MAD1L1: variants seen among roughly 807,000 people sequenced by gnomAD.
MAD1L1 encodes mitotic spindle assembly checkpoint protein MAD1.
A neutral mutation model predicts 96.9 loss-of-function variants in MAD1L1; 95 were observed. The observed-to-expected ratio is 0.98, with a 90% CI of 0.83 to 1.16. The LOEUF (loss-of-function observed/expected upper bound fraction) is 1.16, where lower values mean the gene tolerates loss of function less well. MAD1L1 is among the 50% of genes most tolerant of loss of function. The pLI is 0.00. For synonymous variants in MAD1L1, 473 were observed against 396.6 expected (o/e 1.19, Z -2.29); for missense variants, 1,007 against 954.4 (o/e 1.06, Z -0.73).
intron 18 of MAD1L1, among the ~76,000 whole-genome samples, chr7:1,881,759 G>A (rs915117913): frequency 2.0e-5 from 3 of 152,258 alleles, no homozygotes; most frequent in Admixed American, 1.3e-4. Context: ...GATGTGGGGA[G>A]GCAGAGGTGG....
At chr7:1,985,471 G>A (rs1781097876) in intron 14 of MAD1L1, among the ~76,000 whole-genome samples, 1 of 152,220 alleles carries the variant, frequency 6.6e-6, no homozygotes, top group South Asian at 2.1e-4. Context: ...ACTCTCTCGG[G>A]ATAGACCAGT....
chr7:2,163,363 C>T (rs528487902), intron 10 of MAD1L1, among the ~76,000 whole-genome samples: 4 of 152,248 alleles, frequency 2.6e-5, no homozygotes, highest in African/African-American at 9.6e-5. Context: ...ACACAGGCGA[C>T]AGTATGTATT....
chr7:2,048,337 C>T (rs1784027623), intron 12 of MAD1L1, among the ~76,000 whole-genome samples: 1 of 152,206 alleles, frequency 6.6e-6, no homozygotes, highest in Admixed American at 6.5e-5. Flanking sequence ...TTCATCTCAT[C>T]CAACGACAAA....
intron 11 of MAD1L1, among the ~76,000 whole-genome samples, chr7:2,115,101 C>T (rs934862601): frequency 3.3e-5 from 5 of 152,332 alleles, no homozygotes; most frequent in African/African-American, 1.2e-4. Context: ...AAGGCTCCCC[C>T]AGAAGCCGGG....
intron 13 of MAD1L1, among the ~76,000 whole-genome samples, chr7:2,014,173 C>G (rs1450658615): frequency 6.6e-6 from 1 of 152,224 alleles, no homozygotes. Flanking sequence ...ATGCCCCTCA[C>G]AGGGGAAGGA....
chr7:1,946,817 G>GAC (rs945154138), intron 16 of MAD1L1, among the ~76,000 whole-genome samples: 1 of 152,260 alleles, frequency 6.6e-6, no homozygotes, highest in African/African-American at 2.4e-5. Flanking sequence ...CACAGGGAGA[G>GAC]ACAAGGCCCA....
intron 11 of MAD1L1, chr7:2,089,019 G>C (rs1229810234): frequency 6.6e-6 from 1 of 152,308 alleles, no homozygotes; most frequent in Non-Finnish European, 1.5e-5. Context: ...CTGATGGCCT[G>C]AAGGTCACCA....
chr7:1,884,994 TGCA>T (rs1785922271), intron 18 of MAD1L1, among the ~76,000 whole-genome samples: 1 of 152,198 alleles, frequency 6.6e-6, no homozygotes, highest in South Asian at 2.1e-4. Context: ...GGGATCACTG[TGCA>T]TGAAGTTACC....
chr7:1,877,696 G>T (rs1182695487), intron 18 of MAD1L1, among the ~76,000 whole-genome samples: 1 of 151,990 alleles, frequency 6.6e-6, no homozygotes, highest in African/African-American at 2.4e-5. Context: ...ATATAGATAG[G>T]TATATATAAA....
intron 12 of MAD1L1, among the ~76,000 whole-genome samples, chr7:2,056,991 C>T (rs948524597): frequency 6.6e-6 from 1 of 152,238 alleles, no homozygotes; most frequent in African/African-American, 2.4e-5. Context: ...ACACAGCTCT[C>T]CCCGCAGTGA....
At chr7:2,028,258 C>T (rs1226360321) in intron 12 of MAD1L1, among the ~76,000 whole-genome samples, 3 of 151,590 alleles carry the variant, frequency 2.0e-5, no homozygotes, top group African/African-American at 7.3e-5. Context: ...ACCCCGTCTC[C>T]ACTAAAAATA....
At chr7:2,066,274 C>T (rs559366811) in intron 12 of MAD1L1, among the ~76,000 whole-genome samples, 42 of 152,328 alleles carry the variant, frequency 2.8e-4, no homozygotes, top group East Asian at 9.6e-4. Context: ...CCCAGCTGGG[C>T]GGGCTGCCAT....
intron 10 of MAD1L1, among the ~76,000 whole-genome samples, chr7:2,170,156 A>G (rs1035793265): frequency 6.6e-6 from 1 of 152,208 alleles, no homozygotes; most frequent in African/African-American, 2.4e-5. Context: ...GCTTGTCCCT[A>G]TGGGCTTTGG....
rs1027364147 is a variant in MAD1L1 at position 2,162,872 on chromosome 7, C to CT, written c.987-13635dup. 2.8e-3 allele frequency among the ~76,000 whole-genome samples: 373 copies of CT among 133,832 alleles called. 1 individual carries two copies. The highest frequency in any genetic ancestry group is 4.8e-3 in the African/African-American group (171 of 35,784). 87.8% of individuals were successfully genotyped at this position (133,832 alleles called of 152,430 possible). A position where few individuals can be genotyped will look rare whatever the true frequency, so the allele number is the denominator to read the frequency against. Reference sequence around the variant, plus strand: ...ATGAGTCCATTAATTGGAGTTTCATCTTTTTTTTTTTTTTTGCATGAACCA... The same window carrying CT: ...ATGAGTCCATTAATTGGAGTTTCATCTTTTTTTTTTTTTTTTGCATGAACCA... On this transcript the variant is annotated intron_variant, in intron 10 of 18. Coordinates refer to ENST00000265854, the MANE Select transcript of MAD1L1 (RefSeq NM_001013836.2).
intron 16 of MAD1L1, among the ~76,000 whole-genome samples, chr7:1,949,435 G>A (rs1170947688): frequency 6.6e-6 from 1 of 152,192 alleles, no homozygotes; most frequent in African/African-American, 2.4e-5. Flanking sequence ...CCTGTCTGAG[G>A]ACTCAAGACG....
intron 11 of MAD1L1, among the ~76,000 whole-genome samples, chr7:2,093,369 T>C (rs1786314723): frequency 6.7e-6 from 1 of 150,198 alleles, no homozygotes; most frequent in African/African-American, 2.5e-5. Flanking sequence ...ACTCAGTAAA[T>C]AGTGCATGCA....
At chr7:2,110,998 A>G (rs1322805197) in intron 11 of MAD1L1, among the ~76,000 whole-genome samples, 3 of 152,154 alleles carry the variant, frequency 2.0e-5, no homozygotes, top group African/African-American at 7.2e-5. Flanking sequence ...CGAGTCCTGT[A>G]CACAAGTGAG....
intron 11 of MAD1L1, among the ~76,000 whole-genome samples, chr7:2,124,853 G>A (rs1429198410): frequency 2.0e-5 from 3 of 152,216 alleles, no homozygotes; most frequent in African/African-American, 4.8e-5. Flanking sequence ...GGGTGAAGGA[G>A]GACGCAGGGG....
rs1562545504 is a variant in MAD1L1, at chr7:1,940,988, T to TCCCAGGCCTCAGCCTCCTCTTCCTCC, written c.1597-4117_1597-4092dup. ...CGCAGGCCTCACCCTCCTCTTCCTC[T>TCCCAGGCCTCAGCCTCCTCTTCCTCC]CCCAGGCCTCAGCCTCCTCTTCCTC... On this transcript the variant is annotated intron_variant, in intron 16 of 18. Transcript: ENST00000265854. Among the ~76,000 whole-genome samples, 103 of 124,508 alleles carry TCCCAGGCCTCAGCCTCCTCTTCCTCC rather than the reference T, an allele frequency of 8.3e-4. 2 individuals carry two copies. The highest frequency in any genetic ancestry group is 4.5e-3 in the Middle Eastern group (1 of 220). 81.7% of individuals were successfully genotyped at this position (124,508 alleles called of 152,430 possible).
Sources: gnomAD v4.1 joint callset for allele counts (sites outside exome capture counted in the v4.1 genomes callset) on GRCh38, gnomAD v4.1.1 for gene constraint, MANE v1.5 for transcripts, NCBI Gene and HGNC (gene_info 2026-07-23, HGNC 2026-07-21) for gene names.